ERC2: variants seen among roughly 807,000 people sequenced by gnomAD.
ERC2 encodes the protein ERC protein 2.
ERC2 carries 42 observed loss-of-function variants against 114.8 expected under a neutral mutation model. That is an observed-to-expected ratio of 0.37 (90% CI 0.29 to 0.47). The LOEUF (loss-of-function observed/expected upper bound fraction) is 0.47. ERC2 is among the 20% of genes least tolerant of loss of function. ERC2 has a pLI of 0.99. For synonymous variants in ERC2, 454 were observed against 425.5 expected (o/e 1.07, Z -0.82); for missense variants, 939 against 1,150.7 (o/e 0.82, Z 2.66).
At chr3:55,728,110 A>T (rs750453983) in intron 15 of ERC2, among the ~76,000 whole-genome samples, 2 of 152,194 alleles carry the variant, frequency 1.3e-5, no homozygotes, top group Non-Finnish European at 2.9e-5. Flanking sequence ...TTATTCATTC[A>T]TTCATACATT....
At chr3:56,415,907 CA>C (rs1475414341) in intron 2 of ERC2, among the ~76,000 whole-genome samples, 3 of 152,206 alleles carry the variant, frequency 2.0e-5, no homozygotes, top group Non-Finnish European at 4.4e-5. Context: ...ACCCTGGCCC[CA>C]TGCCCTCATC....
intron 17 of ERC2, among the ~76,000 whole-genome samples, chr3:55,614,033 T>C (rs1429519478): frequency 2.7e-5 from 4 of 145,694 alleles, no homozygotes; most frequent in Non-Finnish European, 4.5e-5. Flanking sequence ...GCTGGGCTAC[T>C]TTTGGCCATC....
At chr3:55,800,756 T>C (rs1437093466) in intron 14 of ERC2, among the ~76,000 whole-genome samples, 1 of 152,006 alleles carries the variant, frequency 6.6e-6, no homozygotes, top group Non-Finnish European at 1.5e-5. Context: ...CAGGGTGACA[T>C]ATACAAATGG....
intron 17 of ERC2, among the ~76,000 whole-genome samples, chr3:55,560,394 ATTG>A (rs1247723867): frequency 1.3e-5 from 2 of 152,146 alleles, no homozygotes. Flanking sequence ...AAGCCTGATA[ATTG>A]TTGTAGGGGT....
chr3:56,419,672 A>T (rs945939578), intron 2 of ERC2, among the ~76,000 whole-genome samples: 3 of 152,196 alleles, frequency 2.0e-5, no homozygotes, highest in Non-Finnish European at 2.9e-5. Context: ...ATCACTGGGA[A>T]CTATTTACTC....
chr3:55,983,151 T>G (rs1376910576), intron 12 of ERC2, among the ~76,000 whole-genome samples: 1 of 152,226 alleles, frequency 6.6e-6, no homozygotes, highest in Non-Finnish European at 1.5e-5. Context: ...AGGAATCAGC[T>G]GACCTGGGAT....
chr3:55,530,678 A>G (rs1412991061), intron 17 of ERC2, among the ~76,000 whole-genome samples: 2 of 152,224 alleles, frequency 1.3e-5, no homozygotes, highest in African/African-American at 2.4e-5. Context: ...TACTTTCTCC[A>G]TGCGTTAGGC....
chr3:56,334,396 C>A (rs2057762655), intron 2 of ERC2, among the ~76,000 whole-genome samples: 2 of 152,216 alleles, frequency 1.3e-5, no homozygotes, highest in Non-Finnish European at 1.5e-5. Flanking sequence ...AGTTCCATCC[C>A]TGATGACCTG....
At chr3:55,668,746 G>T (rs560398735) in intron 17 of ERC2, among the ~76,000 whole-genome samples, 1 of 152,146 alleles carries the variant, frequency 6.6e-6, no homozygotes, top group African/African-American at 2.4e-5. Context: ...TATAGATTAT[G>T]CAATATAAAG....
chr3:55,561,401 G>T lies in ERC2; in HGVS notation c.*40-50125C>A, dbSNP rs540858624. Among the ~76,000 whole-genome samples the T allele has an allele frequency of 7.2e-5, 11 of 152,160 alleles. No individual in the cohort carries two copies. The East Asian group carries it at 1.4e-3, about 19-fold the overall frequency. On this transcript the variant is annotated intron_variant, in intron 17 of 17. Coordinates refer to ENST00000288221, the MANE Select transcript of ERC2 (RefSeq NM_015576.3). ...GTGGGTGCATTTCTGTGGGTTAGAGGGTAGGTAAGAGGGAAGACTTGGCAA... is the reference window on the plus strand; with the variant it reads ...GTGGGTGCATTTCTGTGGGTTAGAGTGTAGGTAAGAGGGAAGACTTGGCAA...
intron 1 of ERC2, among the ~76,000 whole-genome samples, chr3:56,439,695 T>C (rs2062197953): frequency 6.6e-6 from 1 of 152,180 alleles, no homozygotes; most frequent in African/African-American, 2.4e-5. Flanking sequence ...GCATCTTATT[T>C]TCCATTTCAT....
chr3:55,962,128 G>T (rs571477881), intron 12 of ERC2, among the ~76,000 whole-genome samples: 1 of 152,078 alleles, frequency 6.6e-6, no homozygotes, highest in Admixed American at 6.6e-5. Context: ...CTAAGAGGCC[G>T]AGGTCAAAAA....
intron 17 of ERC2, among the ~76,000 whole-genome samples, chr3:55,545,921 G>A (rs186758701): frequency 1.2e-4 from 19 of 152,280 alleles, no homozygotes; most frequent in Admixed American, 2.6e-4. Context: ...CTTGGGTCCC[G>A]TTACCCTGTT....
chr3:55,809,516 G>A (rs923549947), intron 14 of ERC2, among the ~76,000 whole-genome samples: 1 of 151,722 alleles, frequency 6.6e-6, no homozygotes, highest in African/African-American at 2.4e-5. Context: ...ATCTGACAAG[G>A]GACTGATATC....
chr3:55,902,133 C>T (rs2064169568), intron 13 of ERC2, among the ~76,000 whole-genome samples: 1 of 152,158 alleles, frequency 6.6e-6, no homozygotes, highest in South Asian at 2.1e-4. Flanking sequence ...GTAAAAAAAT[C>T]ACAGTAAAGC....
At chr3:56,408,129 G>T (rs560912706) in intron 2 of ERC2, among the ~76,000 whole-genome samples, 5 of 152,146 alleles carry the variant, frequency 3.3e-5, no homozygotes, top group African/African-American at 9.7e-5. Context: ...TGAGACTCGG[G>T]ATACCTTCAG....
At chr3:56,148,762 C>T (rs982207645) in intron 5 of ERC2, among the ~76,000 whole-genome samples, 5 of 152,138 alleles carry the variant, frequency 3.3e-5, no homozygotes, top group African/African-American at 9.7e-5. Flanking sequence ...AAGCCTGAAC[C>T]TCTCAGTAAG....
intron 17 of ERC2, among the ~76,000 whole-genome samples, chr3:55,667,248 G>GCCTTGTTTA (rs2061389869): frequency 6.6e-6 from 1 of 152,164 alleles, no homozygotes; most frequent in African/African-American, 2.4e-5. Flanking sequence ...AAAGAACAAG[G>GCCTTGTTTA]GAAGATAGTG....
At chr3:55,729,515 G>A (rs1362791207) in intron 15 of ERC2, among the ~76,000 whole-genome samples, 1 of 151,896 alleles carries the variant, frequency 6.6e-6, no homozygotes, top group African/African-American at 2.4e-5. Flanking sequence ...TATTATGTCC[G>A]TTGTTTATTG....
Sources: gnomAD v4.1 joint callset for allele counts (sites outside exome capture counted in the v4.1 genomes callset) on GRCh38, gnomAD v4.1.1 for gene constraint, MANE v1.5 for transcripts, NCBI Gene and HGNC (gene_info 2026-07-23, HGNC 2026-07-21) for gene names.